The following FBLN5 variants were observed in gnomAD, a reference collection of about 807,000 sequenced individuals.
FBLN5 encodes the protein fibulin 5, also known as fibulin-5.
A neutral mutation model predicts 61.6 loss-of-function variants in FBLN5; 24 were observed. The observed-to-expected ratio is 0.39, with a 90% CI of 0.28 to 0.55. FBLN5 has a LOEUF of 0.55. Ranked by LOEUF, FBLN5 falls within the 20% of genes least tolerant of loss-of-function variation. The probability of loss-of-function intolerance (pLI) is 0.65; values close to 1 mark genes in which losing one functional copy is unlikely to be tolerated. For synonymous variants in FBLN5, 213 were observed against 219.8 expected, an observed-to-expected ratio of 0.97 and a Z score of 0.27; for missense variants, 470 against 594.1, an observed-to-expected ratio of 0.79 and a Z score of 2.17.
intron 3 of FBLN5, among the ~76,000 whole-genome samples, chr14:91,937,458 T>C (rs1223700125): frequency 1.3e-5 from 2 of 152,124 alleles, no homozygotes; most frequent in Non-Finnish European, 2.9e-5. Flanking sequence ...AGTTTGAATG[T>C]CCCTCCAAAA....
chr14:91,893,327 T>C (rs1388450058), intron 5 of FBLN5, among the ~76,000 whole-genome samples: 1 of 152,186 alleles, frequency 6.6e-6, no homozygotes, highest in Non-Finnish European at 1.5e-5. Context: ...CATCAAATTT[T>C]CCATTATAGC....
intron 4 of FBLN5, among the ~76,000 whole-genome samples, chr14:91,906,740 C>T (rs1890700380): frequency 6.6e-6 from 1 of 152,210 alleles, no homozygotes; most frequent in South Asian, 2.1e-4. Flanking sequence ...TGGGGCCAAC[C>T]AGCTGGCTGA....
At chr14:91,932,126 C>T (rs1300957283) in intron 4 of FBLN5, among the ~76,000 whole-genome samples, 1 of 152,180 alleles carries the variant, frequency 6.6e-6, no homozygotes, top group Non-Finnish European at 1.5e-5. Context: ...AATCTGGTCA[C>T]CAGATCTCCC....
At position 91,883,645 on chromosome 14, in the gene FBLN5, TA is replaced by T. The variant is rs765183580; in HGVS notation, c.740-570del. Among the ~76,000 whole-genome samples, 11 of 80,044 alleles carry T rather than the reference TA, an allele frequency of 1.4e-4. No homozygotes were observed. The East Asian group carries it at 1.6e-3, about 12-fold the overall frequency. 52.5% of individuals were successfully genotyped at this position (80,044 alleles called of 152,430 possible). On this transcript the variant is annotated intron_variant, in intron 7 of 10. Coordinates refer to ENST00000342058, the MANE Select transcript of FBLN5 (RefSeq NM_006329.4). ...TTAATTATATTAAAACTTCACTGTG[TA>T]AAAAAAAAAACAAAAAAAACACACA...
intron 4 of FBLN5, among the ~76,000 whole-genome samples, chr14:91,919,871 C>T (rs2055703182): frequency 6.6e-6 from 1 of 152,156 alleles, no homozygotes; most frequent in African/African-American, 2.4e-5. Context: ...TTTAAGCTGC[C>T]CAGTCTGTGG....
chr14:91,916,602 G>T (rs1174507957), intron 4 of FBLN5, among the ~76,000 whole-genome samples: 1 of 152,154 alleles, frequency 6.6e-6, no homozygotes, highest in Non-Finnish European at 1.5e-5. Context: ...CTGAGGACAG[G>T]TGAGCAGCTC....
intron 4 of FBLN5, among the ~76,000 whole-genome samples, chr14:91,902,447 G>T (rs1019240750): frequency 6.6e-6 from 1 of 152,124 alleles, no homozygotes; most frequent in Admixed American, 6.5e-5. Flanking sequence ...TCCAAACCTG[G>T]TTACCCAAGA....
chr14:91,914,819 T>TG (rs1335050035), intron 4 of FBLN5, among the ~76,000 whole-genome samples: 239 of 152,134 alleles, frequency 1.6e-3, no homozygotes, highest in African/African-American at 5.6e-3. Context: ...TGTGGTTTTT[T>TG]TTTTTGTTTT....
chr14:91,911,593 C>T (rs1890940791), intron 4 of FBLN5, among the ~76,000 whole-genome samples: 1 of 152,220 alleles, frequency 6.6e-6, no homozygotes, highest in Non-Finnish European at 1.5e-5. Context: ...TAGTCCGGAA[C>T]CTTCCACTAG....
chr14:91,940,540 A>G (rs200126673), intron 3 of FBLN5, 25 bp downstream of exon 3: 236 of 1,605,508 alleles, frequency 1.5e-4, no homozygotes, highest in Middle Eastern at 1.7e-4. Context: ...CTCCACCCCA[A>G]TGAAGGATCC....
intron 4 of FBLN5, among the ~76,000 whole-genome samples, chr14:91,908,713 A>C (rs1350002731): frequency 1.3e-5 from 2 of 152,206 alleles, no homozygotes; most frequent in Non-Finnish European, 2.9e-5. Context: ...GAAGTTCTAA[A>C]ACATAGGAGC....
At chr14:91,940,084 G>A in intron 3 of FBLN5, 1 of 399,284 alleles carries the variant, frequency 2.5e-6, no homozygotes, top group Non-Finnish European at 4.8e-6. Flanking sequence ...TCCACTGACA[G>A]TCAGCAAGGA....
chr14:91,939,127 T>A (rs563707221), intron 3 of FBLN5, among the ~76,000 whole-genome samples: 30 of 152,198 alleles, frequency 2.0e-4, no homozygotes, highest in East Asian at 3.9e-4. Context: ...TAAATATAAT[T>A]TAAAAGCTAA....
chr14:91,904,865 G>A (rs908560365), intron 4 of FBLN5, among the ~76,000 whole-genome samples: 2 of 152,202 alleles, frequency 1.3e-5, no homozygotes, highest in Non-Finnish European at 2.9e-5. Context: ...GCCTGATGGA[G>A]TAAGTGATGT....
At chr14:91,877,813 G>GTC (rs1889242990) in intron 9 of FBLN5, 131 bp from the exon 10 acceptor site, 1 of 740,426 alleles carries the variant, frequency 1.4e-6, no homozygotes, top group East Asian at 2.7e-5. Flanking sequence ...ACTGTAGAAT[G>GTC]TCTCTGCTCC....
chr14:91,901,640 C>T (rs1890454200), intron 4 of FBLN5, among the ~76,000 whole-genome samples: 1 of 152,168 alleles, frequency 6.6e-6, no homozygotes, highest in Non-Finnish European at 1.5e-5. Flanking sequence ...ACAGGACCTA[C>T]TTCCCAAACA....
At chr14:91,934,861 G>T (rs148048530) in intron 4 of FBLN5, among the ~76,000 whole-genome samples, 7 of 152,064 alleles carry the variant, frequency 4.6e-5, no homozygotes, top group African/African-American at 1.7e-4. Flanking sequence ...TGGAAGGAGC[G>T]GTAGGTAGAA....
At chr14:91,944,329 G>A (rs2056152142) in intron 1 of FBLN5, among the ~76,000 whole-genome samples, 1 of 152,360 alleles carries the variant, frequency 6.6e-6, no homozygotes, top group African/African-American at 2.4e-5. Context: ...GGAGGATGTG[G>A]AGAAAGTGAA....
At chr14:91,924,161 T>G (rs1376990143) in intron 4 of FBLN5, among the ~76,000 whole-genome samples, 1 of 152,204 alleles carries the variant, frequency 6.6e-6, no homozygotes, top group Admixed American at 6.5e-5. Context: ...TTGCAAAAAT[T>G]TTAAAAATTG....
Sources: allele counts gnomAD v4.1 joint callset (sites outside exome capture counted in the v4.1 genomes callset), GRCh38; gene constraint gnomAD v4.1.1; transcripts MANE v1.5; gene names NCBI Gene and HGNC (gene_info 2026-07-23, HGNC 2026-07-21).